The following EEA1 variants were observed in gnomAD, a reference collection of about 807,000 sequenced individuals.
EEA1 encodes the protein early endosome antigen 1, also known as early endosome antigen 1, 162kD.
A neutral mutation model predicts 209.2 loss-of-function variants in EEA1; 111 were observed. That is an observed-to-expected ratio of 0.53 (90% CI 0.45 to 0.62). The LOEUF (loss-of-function observed/expected upper bound fraction) is 0.62. Ranked by LOEUF, EEA1 falls within the 20% of genes least tolerant of loss-of-function variation. EEA1 has a pLI of 0.00. For missense variants in EEA1, 1,343 were observed against 1,530.8 expected (o/e 0.88, Z 2.05); for synonymous variants, 536 against 540.6 (o/e 0.99, Z 0.12).
intron 21 of EEA1, among the ~76,000 whole-genome samples, chr12:92,797,958 G>A (rs1253276666): frequency 6.6e-6 from 1 of 152,074 alleles, no homozygotes; most frequent in African/African-American, 2.4e-5. Flanking sequence ...CTACATAGGA[G>A]GGATTCTACT....
chr12:92,925,518 G>A (rs536655781), intron 1 of EEA1, among the ~76,000 whole-genome samples: 1 of 152,310 alleles, frequency 6.6e-6, no homozygotes, highest in South Asian at 2.1e-4. Flanking sequence ...CCAGCCCACA[G>A]TAAGTTATAA....
chr12:92,845,232 G>C (rs1439530789), intron 9 of EEA1, among the ~76,000 whole-genome samples: 1 of 152,094 alleles, frequency 6.6e-6, no homozygotes, highest in Admixed American at 6.6e-5. Flanking sequence ...AAAGATTTGG[G>C]AAGACTTATA....
chr12:92,778,887 T>A (rs773025550), intron 25 of EEA1, among the ~76,000 whole-genome samples: 3 of 152,130 alleles, frequency 2.0e-5, no homozygotes, highest in Non-Finnish European at 4.4e-5. Context: ...AAAAATTTTT[T>A]AATTTTATTT....
chr12:92,914,977 T>A (rs541756908), intron 1 of EEA1, among the ~76,000 whole-genome samples: 191 of 152,252 alleles, frequency 1.3e-3, no homozygotes, highest in Non-Finnish European at 2.0e-3. Context: ...CTTTGTAAAT[T>A]TACTTAACTT....
chr12:92,815,597 GAA>G (rs1212429848), intron 15 of EEA1, among the ~76,000 whole-genome samples: 2 of 152,006 alleles, frequency 1.3e-5, no homozygotes. Context: ...CATAGAATAA[GAA>G]ATCAATAGTA....
At chr12:92,812,293 C>G (rs539687183) in intron 16 of EEA1, among the ~76,000 whole-genome samples, 2 of 151,576 alleles carry the variant, frequency 1.3e-5, no homozygotes, top group Admixed American at 6.6e-5. Context: ...TACACCATTG[C>G]GCTCCAACCT....
chr12:92,799,185 C>G (rs1874791396), intron 20 of EEA1, 99 bp from the exon 21 acceptor site: 1 of 1,074,624 alleles, frequency 9.3e-7, no homozygotes, highest in Admixed American at 3.3e-5. Flanking sequence ...TTCATTTGTT[C>G]ATTCAAAAGA....
At chr12:92,796,463 TTA>T (rs144029000) in intron 21 of EEA1, among the ~76,000 whole-genome samples, 2 of 150,570 alleles carry the variant, frequency 1.3e-5, no homozygotes, top group African/African-American at 2.4e-5. Flanking sequence ...TACTTTTTAT[TTA>T]TATATATATA....
intron 1 of EEA1, among the ~76,000 whole-genome samples, chr12:92,901,985 A>AT (rs2136766227): frequency 6.6e-6 from 1 of 152,304 alleles, no homozygotes; most frequent in African/African-American, 2.4e-5. Context: ...TTCACTTATA[A>AT]AAGTTTTATT....
At chr12:92,811,873 T>TA (rs1875533259) in intron 16 of EEA1, among the ~76,000 whole-genome samples, 1 of 151,490 alleles carries the variant, frequency 6.6e-6, no homozygotes, top group African/African-American at 2.4e-5. Flanking sequence ...AAAAAAAAAA[T>TA]AAAATAAAAA....
rs1373695098 is a variant in EEA1 at position 92,770,669 on chromosome 12, G to A, written c.*5342C>T. On this transcript the variant is annotated 3_prime_UTR_variant, in exon 29 of 29. Transcript: ENST00000322349. Reference sequence around the variant, plus strand: ...CCTCAAACATAATGATAAATCTTTAGATACAAAGCTTGATTGTTCTTTTAA... The same window carrying A: ...CCTCAAACATAATGATAAATCTTTAAATACAAAGCTTGATTGTTCTTTTAA... The A allele has an allele frequency of 2.0e-5, 3 of 152,508 alleles. No homozygotes were observed. Among genetic ancestry groups the A allele is most frequent in the Non-Finnish European group, 2.9e-5 (2 of 68,336 alleles). The allele number at this position is 152,508 out of a possible 1,614,324, so 9.4% of individuals were successfully genotyped here. A position where few individuals can be genotyped will look rare whatever the true frequency, so the allele number is the denominator to read the frequency against.
At chr12:92,818,416 T>C (rs1875893672) in intron 14 of EEA1, among the ~76,000 whole-genome samples, 1 of 152,202 alleles carries the variant, frequency 6.6e-6, no homozygotes. Context: ...TTTTCCACTT[T>C]TCTTGGTGTT....
At chr12:92,818,521 G>C (rs1304544101) in intron 14 of EEA1, among the ~76,000 whole-genome samples, 6 of 152,048 alleles carry the variant, frequency 3.9e-5, no homozygotes, top group Non-Finnish European at 8.8e-5. Flanking sequence ...AGGGCTTCCT[G>C]ACCATATTTA....
chr12:92,838,922 T>A (rs900662301), intron 10 of EEA1, among the ~76,000 whole-genome samples: 6 of 152,142 alleles, frequency 3.9e-5, no homozygotes, highest in African/African-American at 1.4e-4. Flanking sequence ...CTTTTTTTTT[T>A]ATGAAACACC....
chr12:92,914,493 T>C (rs1314705381), intron 1 of EEA1, among the ~76,000 whole-genome samples: 1 of 152,136 alleles, frequency 6.6e-6, no homozygotes, highest in Non-Finnish European at 1.5e-5. Flanking sequence ...AGAATTGTTT[T>C]TTCTAATTCT....
intron 9 of EEA1, among the ~76,000 whole-genome samples, chr12:92,849,080 T>C (rs1877504451): frequency 6.6e-6 from 1 of 152,190 alleles, no homozygotes; most frequent in Non-Finnish European, 1.5e-5. Context: ...AATGTTCTAT[T>C]TGTTTAAAAA....
intron 2 of EEA1, among the ~76,000 whole-genome samples, chr12:92,889,812 G>A (rs570746823): frequency 1.3e-5 from 2 of 152,320 alleles, no homozygotes; most frequent in Admixed American, 6.5e-5. Context: ...TACTCAGGAG[G>A]CTGAGGCAGG....
rs893941646 is a variant in EEA1 at position 92,772,057 on chromosome 12, A to G, written c.*3954T>C. ...CGAATGAAGGGATCACGGGGGTCAGAACAAAAACCATTCTAGAACCGTGGC... is the reference window on the plus strand; with the variant it reads ...CGAATGAAGGGATCACGGGGGTCAGGACAAAAACCATTCTAGAACCGTGGC... On this transcript the variant is annotated 3_prime_UTR_variant, in exon 29 of 29. Coordinates refer to ENST00000322349, the MANE Select transcript of EEA1 (RefSeq NM_003566.4). The G allele has an allele frequency of 4.0e-5, 6 of 151,886 alleles. No individual in the cohort carries two copies. Among genetic ancestry groups the G allele is most frequent in the African/African-American group, 1.4e-4 (6 of 41,388 alleles). 9.4% of individuals were successfully genotyped at this position (151,886 alleles called of 1,614,324 possible).
chr12:92,814,949 T>TA (rs577054156), intron 15 of EEA1, among the ~76,000 whole-genome samples: 2 of 152,320 alleles, frequency 1.3e-5, no homozygotes, highest in South Asian at 4.1e-4. Context: ...CTACAGCTAA[T>TA]ACCCTTTGGC....
Sources: allele counts gnomAD v4.1 joint callset (sites outside exome capture counted in the v4.1 genomes callset), GRCh38; gene constraint gnomAD v4.1.1; transcripts MANE v1.5; gene names NCBI Gene and HGNC (gene_info 2026-07-23, HGNC 2026-07-21).